Variants in SLC25A27 observed in about 807,000 individuals in gnomAD.
SLC25A27 encodes the protein mitochondrial uncoupling protein 4.
In SLC25A27, 35 loss-of-function variants were observed where a neutral mutation model predicts 49.1. The ratio of observed to expected loss-of-function variants is 0.71; its 90% CI spans 0.54 to 0.95. The LOEUF (loss-of-function observed/expected upper bound fraction) is 0.95, where lower values mean the gene tolerates loss of function less well. Among genes scored for constraint, SLC25A27 ranks in the 40% least tolerant of loss-of-function variants. The pLI is 0.00. For missense variants in SLC25A27, 339 were observed against 397.1 expected (o/e 0.85, Z 1.24); for synonymous variants, 144 against 136.9 (o/e 1.05, Z -0.36).
At chr6:46,653,962 CAGAGAA>C (rs146810175) in intron 1 of SLC25A27, 21,460 of 713,992 alleles carry the variant, frequency 0.03, 415 homozygotes, top group Middle Eastern at 0.038. Context: ...GCTGGGGAGA[CAGAGAA>C]AGACAATTAT....
chr6:46,663,343 G>T (rs1387628303), intron 4 of SLC25A27, among the ~76,000 whole-genome samples: 1 of 152,154 alleles, frequency 6.6e-6, no homozygotes, highest in East Asian at 1.9e-4. Context: ...GACCACTGCT[G>T]TCTGCCCCTC....
chr6:46,667,964 AGT>A (rs2150648136), intron 5 of SLC25A27, among the ~76,000 whole-genome samples: 1 of 152,254 alleles, frequency 6.6e-6, no homozygotes, highest in South Asian at 2.1e-4. Context: ...CCCATACTTT[AGT>A]GTGGGTTAAC....
chr6:46,676,078 G>A (rs1317590951), intron 8 of SLC25A27, among the ~76,000 whole-genome samples: 2 of 152,112 alleles, frequency 1.3e-5, no homozygotes, highest in African/African-American at 4.8e-5. Flanking sequence ...GAAGCCTGTG[G>A]TCTAGCTCTA....
At chr6:46,655,531 G>GTTTTTTTTTTTTTTTTTTTT (rs1283936753) in intron 1 of SLC25A27, among the ~76,000 whole-genome samples, 1 of 98,548 alleles carries the variant, frequency 1.0e-5, no homozygotes, top group Non-Finnish European at 2.2e-5. Flanking sequence ...TATTGTTAAT[G>GTTTTTTTTTTTTTTTTTTTT]TTTGTTTTTT....
chr6:46,664,756 A>C lies in SLC25A27; in HGVS notation c.507-18A>C. On this transcript the variant is annotated intron_variant, in intron 4 of 8. Transcript: ENST00000371347. ...AGGAATACATGGAGTTTTCACATTT[A>C]ATTATTATTCTCCTTAGATTTCGTG... 1 of 1,437,558 alleles carries C rather than the reference A, an allele frequency of 7.0e-7. No individual in the cohort carries two copies. The highest frequency in any genetic ancestry group is 1.2e-5 in the South Asian group (1 of 80,908). 89.1% of individuals were successfully genotyped at this position (1,437,558 alleles called of 1,614,324 possible). A position where few individuals can be genotyped will look rare whatever the true frequency, so the allele number is the denominator to read the frequency against.
chr6:46,664,349 A>G (rs1763257707), intron 4 of SLC25A27, among the ~76,000 whole-genome samples: 1 of 152,156 alleles, frequency 6.6e-6, no homozygotes, highest in African/African-American at 2.4e-5. Flanking sequence ...TTTTTATGAG[A>G]TTAATTGTTG....
Position 46,678,050 on chromosome 6 carries a change from A to T in SLC25A27, c.*1596A>T, listed in dbSNP as rs982656487. Reference sequence around the variant, plus strand: ...AAATATTATATATATATATATATATATATATATATATATATGCTTAACTTC... The same window carrying T: ...AAATATTATATATATATATATATATTTATATATATATATATGCTTAACTTC... On this transcript the variant is annotated 3_prime_UTR_variant, in exon 9 of 9. Transcript: ENST00000371347. 3.0e-5 allele frequency: 2 copies of T among 67,224 alleles called. No homozygotes were observed. Among genetic ancestry groups the T allele is most frequent in the Non-Finnish European group, 6.2e-5 (2 of 32,110 alleles). The allele number at this position is 67,224 out of a possible 1,614,324, so 4.2% of individuals were successfully genotyped here. A position where few individuals can be genotyped will look rare whatever the true frequency, so the allele number is the denominator to read the frequency against.
intron 5 of SLC25A27, among the ~76,000 whole-genome samples, chr6:46,665,663 G>A (rs1365737766): frequency 1.3e-5 from 2 of 151,748 alleles, no homozygotes; most frequent in Non-Finnish European, 2.9e-5. Flanking sequence ...TCTAGACTGG[G>A]CAACAGAGCG....
rs764002582 is a variant in SLC25A27 at position 46,676,516 on chromosome 6, C to G, written c.*62C>G. On this transcript the variant is annotated 3_prime_UTR_variant, in exon 9 of 9. Transcript: ENST00000371347. ...AGTATTATTGAAATATGGGCATCTG[C>G]AACACATACCCCCTATTATTTCTAC... The G allele has an allele frequency of 1.9e-5, 30 of 1,611,230 alleles. No individual in the cohort carries two copies. The highest frequency in any genetic ancestry group is 2.4e-5 in the Non-Finnish European group (28 of 1,178,200).
At chr6:46,655,773 C>A in intron 1 of SLC25A27, 70 bp from the exon 2 acceptor site, 2 of 1,330,732 alleles carry the variant, frequency 1.5e-6, no homozygotes, top group East Asian at 2.4e-5. Context: ...AATATTACTC[C>A]TATGATTTTA....
At position 46,664,840 on chromosome 6, in the gene SLC25A27, A is replaced by G. The variant is rs1355199319; in HGVS notation, c.573A>G (p.Ala191=). 6.2e-7 allele frequency: 1 copy of G among 1,608,718 alleles called. No homozygotes were observed. The highest frequency in any genetic ancestry group is 8.5e-7 in the Non-Finnish European group (1 of 1,177,208). The change falls in exon 5 of 9, where the codon GCA becomes GCG. Residue 191 remains alanine, a synonymous_variant. Coordinates refer to ENST00000371347, the MANE Select transcript of SLC25A27 (RefSeq NM_004277.5). ...LAEGGIRGLW[A]GWVPNIQRAA... ...AAGGAGGAATACGAGGGCTTTGGGCAGGCTGGGTACCCAATATACAAAGAG... is the reference window on the plus strand; with the variant it reads ...AAGGAGGAATACGAGGGCTTTGGGCGGGCTGGGTACCCAATATACAAAGAG...
chr6:46,654,908 A>T (rs910408781), intron 1 of SLC25A27, among the ~76,000 whole-genome samples: 1 of 152,180 alleles, frequency 6.6e-6, no homozygotes, highest in African/African-American at 2.4e-5. Context: ...GGTCATTGAA[A>T]AGTCTTATAT....
chr6:46,665,312 C>G (rs1480231816), intron 5 of SLC25A27, among the ~76,000 whole-genome samples: 1 of 152,158 alleles, frequency 6.6e-6, no homozygotes, highest in Non-Finnish European at 1.5e-5. Context: ...GGCTGGAAAC[C>G]TCAATGTTCT....
intron 4 of SLC25A27, among the ~76,000 whole-genome samples, chr6:46,662,963 C>T (rs551062115): frequency 1.3e-5 from 2 of 152,156 alleles, no homozygotes; most frequent in Non-Finnish European, 2.9e-5. Context: ...TTCCCTTTCT[C>T]CTGCAGAAAG....
rs1193181563 is a variant in SLC25A27 at position 46,653,455 on chromosome 6, G to GGGA, written c.106+166_106+168dup. The GGGA allele has an allele frequency of 1.5e-5, 15 of 985,296 alleles. No individual in the cohort carries two copies. The African/African-American group carries it at 2.4e-4, about 16-fold the overall frequency. 61.0% of individuals were successfully genotyped at this position (985,296 alleles called of 1,614,324 possible). A position where few individuals can be genotyped will look rare whatever the true frequency, so the allele number is the denominator to read the frequency against. Reference sequence around the variant, plus strand: ...TGGCGGTGGAGGCCAGGCCCGCGGTGGGAGGAGGAGGGATTGAGGTCTCCA... The same window carrying GGGA: ...TGGCGGTGGAGGCCAGGCCCGCGGTGGGAGGAGGAGGAGGGATTGAGGTCTCCA... On this transcript the variant is annotated intron_variant, in intron 1 of 8. Transcript: ENST00000371347.
At chr6:46,655,046 G>A (rs1002345548) in intron 1 of SLC25A27, among the ~76,000 whole-genome samples, 2 of 152,076 alleles carry the variant, frequency 1.3e-5, no homozygotes, top group African/African-American at 4.8e-5. Flanking sequence ...TAAGGTAAAA[G>A]GTCTGTATCT....
At chr6:46,673,431 C>T (rs1313810655) in intron 8 of SLC25A27, among the ~76,000 whole-genome samples, 2 of 152,202 alleles carry the variant, frequency 1.3e-5, no homozygotes, top group African/African-American at 2.4e-5. Context: ...TGTATTCTTG[C>T]TTTACCAGTG....
rs1763520402 is a variant in SLC25A27 at position 46,671,124 on chromosome 6, A to T, written c.798-2A>T. The T allele has an allele frequency of 6.3e-7, 1 of 1,576,578 alleles. No individual in the cohort carries two copies. The highest frequency in any genetic ancestry group is 1.4e-5 in the African/African-American group (1 of 72,872). On this transcript the variant is annotated splice_acceptor_variant, in intron 7 of 8. Transcript: ENST00000371347. LOFTEE classifies it high-confidence loss of function. ...ATTAAAAGGATCTTGTTTCCTTTTT[A>T]GGGGACTTTTGTATAAATCATCGAC...
chr6:46,655,535 G>GGT (rs1562033662), intron 1 of SLC25A27, among the ~76,000 whole-genome samples: 42 of 10,744 alleles, frequency 3.9e-3, no homozygotes, highest in Non-Finnish European at 7.7e-3. Context: ...GTTAATGTTT[G>GGT]TTTTTTTTTT....
Sources: gnomAD v4.1 joint callset for allele counts (sites outside exome capture counted in the v4.1 genomes callset) on GRCh38, gnomAD v4.1.1 for gene constraint, MANE v1.5 for transcripts, NCBI Gene and HGNC (gene_info 2026-07-23, HGNC 2026-07-21) for gene names.